Variants in POLN observed in about 807,000 individuals in gnomAD.
The protein encoded by POLN is DNA polymerase N.
Under a neutral mutation model 113.5 loss-of-function variants are expected in POLN, and 108 were observed. The ratio of observed to expected loss-of-function variants is 0.95; its 90% CI spans 0.81 to 1.12. The LOEUF is 1.12. Ranked by LOEUF, POLN falls within the 50% of genes most tolerant of loss-of-function variation. The pLI is 0.00. For synonymous variants in POLN, 386 were observed against 391.5 expected (o/e 0.99, Z 0.17); for missense variants, 1,097 against 1,077.1 (o/e 1.02, Z -0.26).
In POLN at chr4:2,174,759, A is replaced by G; in HGVS notation, c.1249-8T>C. 1 of 1,570,046 alleles carries G rather than the reference A, an allele frequency of 6.4e-7. No homozygotes were observed. Among genetic ancestry groups the G allele is most frequent in the Non-Finnish European group, 8.7e-7 (1 of 1,143,604 alleles). ...TTGCCATAAACCATAATCCTGTTTA[A>G]TAGGAAGAAATAACATCAACGTCAA... On this transcript the variant is annotated splice_region_variant and splice_polypyrimidine_tract_variant and intron_variant, in intron 9 of 25. Coordinates refer to ENST00000511885, the MANE Select transcript of POLN (RefSeq NM_181808.4).
chr4:2,136,514 A>C (rs1340443908), intron 16 of POLN, among the ~76,000 whole-genome samples: 1 of 152,228 alleles, frequency 6.6e-6, no homozygotes, highest in Non-Finnish European at 1.5e-5. Flanking sequence ...TGTTTTTGCA[A>C]ATAAGAGAAC....
At position 2,072,960 on chromosome 4, in the gene POLN, C is replaced by A; in HGVS notation, c.2517+8G>T. 1 of 1,612,896 alleles carries A rather than the reference C, an allele frequency of 6.2e-7. No individual in the cohort carries two copies. Among genetic ancestry groups the A allele is most frequent in the South Asian group, 1.1e-5 (1 of 91,050 alleles). On this transcript the variant is annotated splice_region_variant and intron_variant, in intron 25 of 25. Coordinates refer to ENST00000511885, the MANE Select transcript of POLN (RefSeq NM_181808.4). ...CGGAAGACCGGGCAGGCTTAAGTGTCCCCTCACCTGAAGCTGCAGCTCCAA... is the reference window on the plus strand; with the variant it reads ...CGGAAGACCGGGCAGGCTTAAGTGTACCCTCACCTGAAGCTGCAGCTCCAA...
chr4:2,239,351 T>C (rs1260801560), intron 2 of POLN, among the ~76,000 whole-genome samples: 5 of 152,220 alleles, frequency 3.3e-5, no homozygotes, highest in African/African-American at 4.8e-5. Flanking sequence ...AATCCAAGTA[T>C]ATGTTACTAG....
intron 2 of POLN, chr4:2,240,954 A>G (rs1191155577): frequency 6.3e-7 from 1 of 1,581,196 alleles, no homozygotes; most frequent in Non-Finnish European, 8.5e-7. Flanking sequence ...CATGGTTTTA[A>G]CTACCCCAAT....
At chr4:2,157,987 CATTGCCCAGGCTGG>C in intron 14 of POLN, 76 bp from the exon 15 acceptor site, 1 of 1,191,168 alleles carries the variant, frequency 8.4e-7, no homozygotes, top group Non-Finnish European at 1.2e-6. Flanking sequence ...AGTCTCGCTC[CATTGCCCAGGCTGG>C]AGTGCAGTGG....
At chr4:2,202,772 A>G (rs1339869361) in intron 5 of POLN, among the ~76,000 whole-genome samples, 1 of 151,924 alleles carries the variant, frequency 6.6e-6, no homozygotes, top group Non-Finnish European at 1.5e-5. Flanking sequence ...TGATATAATA[A>G]CAAAAGGCCT....
At chr4:2,216,254 G>A (rs1468820196) in intron 3 of POLN, among the ~76,000 whole-genome samples, 1 of 152,240 alleles carries the variant, frequency 6.6e-6, no homozygotes. Context: ...TGCTGGAAAG[G>A]TTTTCCCTTT....
intron 19 of POLN, among the ~76,000 whole-genome samples, chr4:2,096,679 CGAGAGA>C (rs1334728387): frequency 1.2e-5 from 1 of 84,292 alleles, no homozygotes; most frequent in African/African-American, 4.5e-5. Flanking sequence ...ATTCAGAAGC[CGAGAGA>C]AAGAGAGAGA....
At chr4:2,079,499 T>G in intron 23 of POLN, 1 of 985,686 alleles carries the variant, frequency 1.0e-6, no homozygotes, top group Non-Finnish European at 1.2e-6. Flanking sequence ...TATGGGTGCA[T>G]GTGCTTGTGT....
chr4:2,125,936 T>C (rs148462272), intron 19 of POLN, among the ~76,000 whole-genome samples: 6 of 152,240 alleles, frequency 3.9e-5, no homozygotes, highest in Admixed American at 6.5e-5. Flanking sequence ...CTTGGAGTCC[T>C]AGAGTGGGCC....
intron 20 of POLN, among the ~76,000 whole-genome samples, chr4:2,091,070 A>G (rs1017095728): frequency 1.3e-5 from 2 of 152,196 alleles, no homozygotes; most frequent in Admixed American, 6.5e-5. Flanking sequence ...GAAATTCACC[A>G]GTGCCATTCC....
chr4:2,189,572 G>A (rs1733383697), intron 7 of POLN, among the ~76,000 whole-genome samples: 1 of 150,768 alleles, frequency 6.6e-6, no homozygotes. Flanking sequence ...CCAGGAGGCA[G>A]AGCTTGCAGT....
At position 2,239,996 on chromosome 4, in the gene POLN, C is replaced by T. The variant is rs908376039; in HGVS notation, c.-13+1524G>A. The T allele has an allele frequency of 7.5e-6, 11 of 1,475,620 alleles. No individual in the cohort carries two copies. In the African/African-American group the frequency reaches 9.8e-5, roughly 13 times the overall value. 91.4% of individuals were successfully genotyped at this position (1,475,620 alleles called of 1,614,324 possible). A position where few individuals can be genotyped will look rare whatever the true frequency, so the allele number is the denominator to read the frequency against. On this transcript the variant is annotated intron_variant, in intron 2 of 25. Transcript: ENST00000511885. ...GCAATATTATCTCCTCTATTCCTAA[C>T]AATAATTACAATGTGAATCCAATCT...
At chr4:2,111,399 G>T (rs987171218) in intron 19 of POLN, among the ~76,000 whole-genome samples, 4 of 152,066 alleles carry the variant, frequency 2.6e-5, no homozygotes, top group African/African-American at 4.8e-5. Context: ...GGGCAATCAG[G>T]CAGGAGAAGG....
chr4:2,091,439 C>T (rs1730660429), intron 20 of POLN, among the ~76,000 whole-genome samples: 1 of 152,088 alleles, frequency 6.6e-6, no homozygotes. Context: ...GGGAGGCCTT[C>T]CAGGCCCTGG....
At chr4:2,192,488 A>G (rs1209552207) in intron 7 of POLN, among the ~76,000 whole-genome samples, 1 of 151,812 alleles carries the variant, frequency 6.6e-6, no homozygotes, top group Non-Finnish European at 1.5e-5. Flanking sequence ...TACAGGCATG[A>G]GCCACCAAGC....
chr4:2,107,119 T>C (rs980479872), intron 19 of POLN, among the ~76,000 whole-genome samples: 2 of 152,196 alleles, frequency 1.3e-5, no homozygotes, highest in Non-Finnish European at 2.9e-5. Context: ...TTGCACCTTT[T>C]CTTCCAATAC....
chr4:2,142,338 T>C (rs553463123), intron 16 of POLN, among the ~76,000 whole-genome samples: 3 of 152,354 alleles, frequency 2.0e-5, no homozygotes, highest in African/African-American at 7.2e-5. Flanking sequence ...AGTCTCTAAG[T>C]AGCAAGAGGT....
At chr4:2,202,146 G>A (rs1018614500) in intron 5 of POLN, among the ~76,000 whole-genome samples, 2 of 151,684 alleles carry the variant, frequency 1.3e-5, no homozygotes, top group Non-Finnish European at 2.9e-5. Context: ...AAAAAACAAC[G>A]TATACCAGCA....
Sources: gnomAD v4.1 joint callset for allele counts (sites outside exome capture counted in the v4.1 genomes callset) on GRCh38, gnomAD v4.1.1 for gene constraint, MANE v1.5 for transcripts, NCBI Gene and HGNC (gene_info 2026-07-23, HGNC 2026-07-21) for gene names.